ANKRD13A: variants seen among roughly 807,000 people sequenced by gnomAD.
The protein encoded by ANKRD13A is ankyrin repeat domain 13A, also known as ankyrin repeat domain-containing protein 13A.
In ANKRD13A, 48 loss-of-function variants were observed where a neutral mutation model predicts 81.3. That is an observed-to-expected ratio of 0.59 (90% CI 0.47 to 0.75). The LOEUF (loss-of-function observed/expected upper bound fraction) is 0.75. Among genes scored for constraint, ANKRD13A ranks in the 30% least tolerant of loss-of-function variants. ANKRD13A has a pLI of 0.00. For missense variants in ANKRD13A, 612 were observed against 734.0 expected (o/e 0.83, Z 1.92); for synonymous variants, 230 against 270.1 (o/e 0.85, Z 1.45).
chr12:110,036,954 G>T lies in ANKRD13A; in HGVS notation c.1578-405G>T, dbSNP rs1892092083. Among the ~76,000 whole-genome samples the T allele has an allele frequency of 6.6e-6, 1 of 152,172 alleles. No individual in the cohort carries two copies. The highest frequency in any genetic ancestry group is 6.5e-5 in the Admixed American group (1 of 15,280). ...TCTATGAATGATGTATGATCACAGG[G>T]CCTAGATGTCCTCAGTGGGAAGTTT... On this transcript the variant is annotated intron_variant, in intron 14 of 14. Coordinates refer to ENST00000261739, the MANE Select transcript of ANKRD13A (RefSeq NM_033121.2). The surrounding 1 kb of genome is among the most constrained non-coding windows in gnomAD (Gnocchi z 4.6).
chr12:110,008,873 A>G (rs12302340), intron 1 of ANKRD13A, among the ~76,000 whole-genome samples: 12,516 of 152,154 alleles, frequency 0.082, 554 homozygotes, highest in Middle Eastern at 0.13. Context: ...CGACAGAGCG[A>G]GACTCAGTCT....
At chr12:110,028,075 C>A in intron 9 of ANKRD13A, 1 of 369,022 alleles carries the variant, frequency 2.7e-6, no homozygotes. Context: ...TGCAACAGAG[C>A]ACCTTAACAA....
Position 110,027,766 on chromosome 12 carries a change from G to A in ANKRD13A, c.945G>A (p.Gly315=). 2 of 1,614,070 alleles carry A rather than the reference G, an allele frequency of 1.2e-6. No individual in the cohort carries two copies. The highest frequency in any genetic ancestry group is 1.7e-6 in the Non-Finnish European group (2 of 1,179,982). Residue 315 remains glycine, a splice_region_variant and synonymous_variant, in exon 9 of 15, where the codon GGG becomes GGA. Coordinates refer to ENST00000261739, the MANE Select transcript of ANKRD13A (RefSeq NM_033121.2). The part of the protein sequence containing the change: ...GTVEHQFGAQ[G]DLTTECATAN... ...TGGAACACCAATTTGGTGCACAAGGGGTAAGTTGAAGCAATGAGCTTTCAT... is the reference window on the plus strand; with the variant it reads ...TGGAACACCAATTTGGTGCACAAGGAGTAAGTTGAAGCAATGAGCTTTCAT...
Position 110,036,477 on chromosome 12 carries a change from C to A in ANKRD13A, c.1577+149C>A. The A allele has an allele frequency of 2.4e-6, 2 of 835,042 alleles. No individual in the cohort carries two copies. Among genetic ancestry groups the A allele is most frequent in the Non-Finnish European group, 4.0e-6 (2 of 504,680 alleles). 51.7% of individuals were successfully genotyped at this position (835,042 alleles called of 1,614,324 possible). A position where few individuals can be genotyped will look rare whatever the true frequency, so the allele number is the denominator to read the frequency against. On this transcript the variant is annotated intron_variant, in intron 14 of 14. Coordinates refer to ENST00000261739, the MANE Select transcript of ANKRD13A (RefSeq NM_033121.2). The surrounding 1 kb of genome is among the most constrained non-coding windows in gnomAD (Gnocchi z 4.6). ...AAGACTAGAAAAAGTAGGCCAGGAG[C>A]GGTGGCTCACGCCTATAATCCCAGC... is the stretch of plus-strand genomic sequence containing the variant.
At chr12:110,021,788 T>A (rs1381541923) in intron 6 of ANKRD13A, 2 of 152,326 alleles carry the variant, frequency 1.3e-5, no homozygotes, top group Non-Finnish European at 2.9e-5. Flanking sequence ...AGAGCTTATG[T>A]GTGCAAATTA....
intron 1 of ANKRD13A, among the ~76,000 whole-genome samples, chr12:110,008,106 A>G (rs577605920): frequency 1.3e-5 from 2 of 152,366 alleles, no homozygotes; most frequent in South Asian, 4.1e-4. Flanking sequence ...GTCTTTCACC[A>G]TTAACTATGA....
intron 1 of ANKRD13A, among the ~76,000 whole-genome samples, chr12:110,008,431 A>G (rs1890345505): frequency 6.6e-6 from 1 of 152,190 alleles, no homozygotes; most frequent in Non-Finnish European, 1.5e-5. Flanking sequence ...TTGCATCTAT[A>G]TCATAAGAGA....
intron 8 of ANKRD13A, among the ~76,000 whole-genome samples, chr12:110,026,291 TG>T (rs914309221): frequency 2.6e-5 from 4 of 151,054 alleles, no homozygotes; most frequent in Non-Finnish European, 4.4e-5. Flanking sequence ...TAAAAATTTC[TG>T]GCCAGGCACG....
chr12:110,035,216 T>G (rs542774345), intron 13 of ANKRD13A, among the ~76,000 whole-genome samples: 2 of 152,338 alleles, frequency 1.3e-5, no homozygotes, highest in African/African-American at 4.8e-5. Flanking sequence ...AGCTCCCAAG[T>G]AGCTTCATAA....
intron 1 of ANKRD13A, among the ~76,000 whole-genome samples, chr12:110,000,800 C>T (rs572095897): frequency 2.7e-5 from 4 of 149,424 alleles, no homozygotes; most frequent in South Asian, 2.1e-4. Context: ...TCTTGTTGCC[C>T]GGGCTGGAGT....
chr12:110,021,426 T>TTTTCTTTTTTCTTTC (rs1891073490), intron 6 of ANKRD13A: 1 of 93,908 alleles, frequency 1.1e-5, no homozygotes, highest in African/African-American at 7.8e-5. Context: ...TTTTTCTTTC[T>TTTTCTTTTTTCTTTC]TTTTTTTTTT....
intron 14 of ANKRD13A, 103 bp from the exon 15 acceptor site, chr12:110,037,256 C>T: frequency 8.5e-7 from 1 of 1,174,678 alleles, no homozygotes; most frequent in Non-Finnish European, 1.2e-6. Context: ...TATTAAATGC[C>T]TGGCACAGTG....
In ANKRD13A at chr12:109,999,921, C is replaced by T; in HGVS notation, c.96+137C>T. On this transcript the variant is annotated intron_variant, in intron 1 of 14. Transcript: ENST00000261739. The surrounding 1 kb of genome is among the most constrained non-coding windows in gnomAD (Gnocchi z 4.3). ...TTCCACTTTGCAGGTGTGGGACAGTCCTAATAATAGGACACGTATCGAGTG... is the reference window on the plus strand; with the variant it reads ...TTCCACTTTGCAGGTGTGGGACAGTTCTAATAATAGGACACGTATCGAGTG... 1.5e-6 allele frequency: 1 copy of T among 670,804 alleles called. No individual in the cohort carries two copies. The highest frequency in any genetic ancestry group is 2.4e-5 in the South Asian group (1 of 41,370). The allele number at this position is 670,804 out of a possible 1,614,324, so 41.6% of individuals were successfully genotyped here.
At chr12:110,008,547 A>G (rs922252420) in intron 1 of ANKRD13A, among the ~76,000 whole-genome samples, 2 of 152,128 alleles carry the variant, frequency 1.3e-5, no homozygotes, top group Admixed American at 1.3e-4. Flanking sequence ...TTATTGGAAA[A>G]GTTTGTGAAA....
At chr12:110,023,993 A>T (rs1891198584) in intron 6 of ANKRD13A, 53 bp from the exon 7 acceptor site, 1 of 1,540,780 alleles carries the variant, frequency 6.5e-7, no homozygotes, top group African/African-American at 1.4e-5. Flanking sequence ...ACAGATATAA[A>T]TCTGAATGGC....
At position 110,036,488 on chromosome 12, in the gene ANKRD13A, G is replaced by A. The variant is rs1004439690; in HGVS notation, c.1577+160G>A. ...AAGTAGGCCAGGAGCGGTGGCTCAC[G>A]CCTATAATCCCAGCATTTTGGGAGG... On this transcript the variant is annotated intron_variant, in intron 14 of 14. Coordinates refer to ENST00000261739, the MANE Select transcript of ANKRD13A (RefSeq NM_033121.2). This position sits in a 1 kb window ranked among gnomAD's most constrained non-coding sequence, Gnocchi z 4.6. 2.6e-5 allele frequency among the ~76,000 whole-genome samples: 4 copies of A among 152,196 alleles called. No homozygotes were observed. The highest frequency in any genetic ancestry group is 6.5e-5 in the Admixed American group (1 of 15,274).
chr12:110,032,211 A>T (rs1249536246), intron 12 of ANKRD13A: 2 of 152,098 alleles, frequency 1.3e-5, no homozygotes, highest in African/African-American at 4.8e-5. Flanking sequence ...AATGTCCCTT[A>T]TTAGTTGGAG....
chr12:110,014,041 G>A (rs969609082), intron 3 of ANKRD13A, among the ~76,000 whole-genome samples: 2 of 152,082 alleles, frequency 1.3e-5, no homozygotes, highest in African/African-American at 2.4e-5. Context: ...AGTATTTCGA[G>A]ACCTTTAGTC....
At chr12:110,004,861 T>C (rs531264778) in intron 1 of ANKRD13A, among the ~76,000 whole-genome samples, 2 of 152,286 alleles carry the variant, frequency 1.3e-5, no homozygotes, top group African/African-American at 4.8e-5. Context: ...TTAAGGACTT[T>C]CCCCTTGTAA....
Sources: allele counts gnomAD v4.1 joint callset (sites outside exome capture counted in the v4.1 genomes callset), GRCh38; gene constraint gnomAD v4.1.1; non-coding constraint Gnocchi (gnomAD v3.1); transcripts MANE v1.5; gene names NCBI Gene and HGNC (gene_info 2026-07-23, HGNC 2026-07-21).